Variants in ADGRL2 observed in about 807,000 individuals in gnomAD.
ADGRL2 encodes calcium-independent alpha-latrotoxin receptor 2.
A neutral mutation model predicts 157.4 loss-of-function variants in ADGRL2; 44 were observed. The observed-to-expected ratio is 0.28, with a 90% CI of 0.22 to 0.36. The LOEUF (loss-of-function observed/expected upper bound fraction) is 0.36, where lower values mean the gene tolerates loss of function less well. Among genes scored for constraint, ADGRL2 ranks in the 10% least tolerant of loss-of-function variants. The pLI is 1.00. For synonymous variants in ADGRL2, 585 were observed against 624.7 expected (o/e 0.94, Z 0.95); for missense variants, 1,510 against 1,768.9 (o/e 0.85, Z 2.63).
At chr1:81,910,720 A>G in intron 3 of ADGRL2, among the ~76,000 whole-genome samples, 1 of 149,582 alleles carries the variant, frequency 6.7e-6, no homozygotes, top group East Asian at 2.1e-4. Flanking sequence ...CTTATATAGA[A>G]TAACTTGTCC....
At chr1:81,354,870 C>G (rs1228102059) in intron 1 of ADGRL2, among the ~76,000 whole-genome samples, 1 of 152,154 alleles carries the variant, frequency 6.6e-6, no homozygotes, top group Non-Finnish European at 1.5e-5. Context: ...TAATTAAAAT[C>G]AGGGAATATA....
chr1:81,313,448 G>A (rs1286112570), intron 1 of ADGRL2, among the ~76,000 whole-genome samples: 1 of 152,106 alleles, frequency 6.6e-6, no homozygotes, highest in Non-Finnish European at 1.5e-5. Context: ...GATGCCTATG[G>A]ACCAGCACGT....
chr1:81,851,734 T>TTGTGTGTG (rs5775643), intron 2 of ADGRL2, among the ~76,000 whole-genome samples: 4,051 of 146,354 alleles, frequency 0.028, 127 homozygotes, highest in African/African-American at 0.079. Flanking sequence ...CCACTTAAAT[T>TTGTGTGTG]TGTGTGTGTG....
intron 2 of ADGRL2, among the ~76,000 whole-genome samples, chr1:81,463,509 C>T (rs1287678004): frequency 6.6e-6 from 1 of 152,156 alleles, no homozygotes; most frequent in South Asian, 2.1e-4. Context: ...GCTCCAGAGA[C>T]ATCTTTGAAA....
chr1:81,502,474 G>C (rs1477136540), intron 2 of ADGRL2: 52 of 1,613,922 alleles, frequency 3.2e-5, no homozygotes, highest in East Asian at 1.1e-4. Flanking sequence ...TTATGCAGAA[G>C]AGGCGGACCC....
At chr1:81,692,025 GAT>G (rs144799195) in intron 3 of ADGRL2, among the ~76,000 whole-genome samples, 4 of 150,360 alleles carry the variant, frequency 2.7e-5, no homozygotes, top group South Asian at 2.1e-4. Context: ...CAGTATATAT[GAT>G]ATATATATAT....
In ADGRL2 at chr1:81,744,356, T is replaced by C. The variant is rs551858253; in HGVS notation, c.-142-17455T>C. On this transcript the variant is annotated intron_variant, in intron 1 of 20. Transcript: ENST00000359929. ...CCCCATTTTACAAATGAAAAACCGA[T>C]GAATACAGATATAAAACAACTTGCT... Among the ~76,000 whole-genome samples the C allele has an allele frequency of 3.3e-5, 5 of 152,250 alleles. No homozygotes were observed. The East Asian group carries it at 5.8e-4, about 18-fold the overall frequency.
chr1:81,554,739 C>T (rs1052085800), intron 2 of ADGRL2, among the ~76,000 whole-genome samples: 2 of 151,952 alleles, frequency 1.3e-5, no homozygotes, highest in Admixed American at 6.6e-5. Context: ...ATTATATGAG[C>T]TTTTAAAAGC....
chr1:81,937,151 A>G (rs1319215258), intron 4 of ADGRL2, among the ~76,000 whole-genome samples: 1 of 151,906 alleles, frequency 6.6e-6, no homozygotes, highest in East Asian at 1.9e-4. Context: ...GTTGCTGACA[A>G]ATTGGTTTGG....
In ADGRL2 at chr1:81,501,674, C is replaced by G. The variant is rs564636203; in HGVS notation, c.-248+56585C>G. ...GGCCGCCTCCTCCGCCACCCGAAAA[C>G]CCGGAGTGCCCCGCACAGGTTTAGA... On this transcript the variant is annotated intron_variant, in intron 2 of 24. Transcript: ENST00000370721. The G allele has an allele frequency of 2.5e-4, 376 of 1,520,724 alleles. No individual in the cohort carries two copies. The African/African-American group carries it at 4.7e-3, about 19-fold the overall frequency. The allele number at this position is 1,520,724 out of a possible 1,614,324, so 94.2% of individuals were successfully genotyped here. A position where few individuals can be genotyped will look rare whatever the true frequency, so the allele number is the denominator to read the frequency against.
intron 1 of ADGRL2, among the ~76,000 whole-genome samples, chr1:81,355,058 A>G (rs1663179534): frequency 6.6e-6 from 1 of 152,220 alleles, no homozygotes; most frequent in Non-Finnish European, 1.5e-5. Flanking sequence ...TATCATTGCA[A>G]TAGACAGGCT....
At chr1:81,696,175 T>C (rs2083439161), upstream of ADGRL2, among the ~76,000 whole-genome samples, 1 of 152,168 alleles carries the variant, frequency 6.6e-6, no homozygotes, top group Non-Finnish European at 1.5e-5. Flanking sequence ...CTTTTTTCAT[T>C]TTTACAAAAC....
At chr1:81,818,047 G>T (rs2090594904) in intron 1 of ADGRL2, among the ~76,000 whole-genome samples, 1 of 151,954 alleles carries the variant, frequency 6.6e-6, no homozygotes, top group Admixed American at 6.6e-5. Flanking sequence ...GGTGGTGCGT[G>T]CCTGTAGCCC....
chr1:81,871,723 T>G (rs1207120409), intron 2 of ADGRL2, among the ~76,000 whole-genome samples: 5 of 152,206 alleles, frequency 3.3e-5, no homozygotes, highest in African/African-American at 1.2e-4. Flanking sequence ...GTTGGCTGCA[T>G]AAATGTCTTC....
At chr1:81,509,518 C>T (rs962095449) in intron 2 of ADGRL2, among the ~76,000 whole-genome samples, 1 of 152,116 alleles carries the variant, frequency 6.6e-6, no homozygotes, top group Non-Finnish European at 1.5e-5. Context: ...CTTGACACAC[C>T]GTTCGTACGA....
chr1:81,388,513 C>T (rs1157104233), intron 1 of ADGRL2, among the ~76,000 whole-genome samples: 2 of 152,194 alleles, frequency 1.3e-5, no homozygotes, highest in Admixed American at 6.5e-5. Context: ...TATCTTCTCA[C>T]TCCTCATCCC....
chr1:81,978,086 A>AC (rs1388527375), intron 17 of ADGRL2, among the ~76,000 whole-genome samples: 1 of 151,572 alleles, frequency 6.6e-6, no homozygotes, highest in Non-Finnish European at 1.5e-5. Context: ...TTAAAAAAAA[A>AC]ACACACTCTT....
intron 1 of ADGRL2, among the ~76,000 whole-genome samples, chr1:81,725,291 G>A (rs2084483310): frequency 6.6e-6 from 1 of 151,184 alleles, no homozygotes; most frequent in Admixed American, 6.6e-5. Context: ...TGTAATCCCA[G>A]CACTTTGGGA....
At chr1:81,927,650 T>A (rs2095138604) in intron 3 of ADGRL2, among the ~76,000 whole-genome samples, 1 of 151,936 alleles carries the variant, frequency 6.6e-6, no homozygotes, top group Non-Finnish European at 1.5e-5. Flanking sequence ...AACATACCTA[T>A]AGGATTAAAT....
Sources: gnomAD v4.1 joint callset for allele counts (sites outside exome capture counted in the v4.1 genomes callset) on GRCh38, gnomAD v4.1.1 for gene constraint, MANE v1.5 for transcripts, NCBI Gene and HGNC (gene_info 2026-07-23, HGNC 2026-07-21) for gene names.